Variants in LTA4H observed in about 807,000 individuals in gnomAD.
The protein encoded by LTA4H is leukotriene A4 hydrolase.
LTA4H carries 59 observed loss-of-function variants against 89.8 expected under a neutral mutation model. That is an observed-to-expected ratio of 0.66 (90% CI 0.53 to 0.82). The LOEUF is 0.82. Ranked by LOEUF, LTA4H falls within the 40% of genes least tolerant of loss-of-function variation. The pLI is 0.00. For missense variants in LTA4H, 617 were observed against 727.0 expected, an observed-to-expected ratio of 0.85 and a Z score of 1.74; for synonymous variants, 227 against 253.1, an observed-to-expected ratio of 0.90 and a Z score of 0.98.
chr12:96,015,287 G>A (rs1016335865), intron 11 of LTA4H: 3 of 492,604 alleles, frequency 6.1e-6, no homozygotes, highest in African/African-American at 5.9e-5. Flanking sequence ...GCTTTCAGGA[G>A]ACAACACTTA....
chr12:96,027,603 C>T (rs1950527041), intron 2 of LTA4H, 39 bp from the exon 3 acceptor site: 2 of 1,363,800 alleles, frequency 1.5e-6, no homozygotes, highest in Admixed American at 4.1e-5. Flanking sequence ...GAGTATGATT[C>T]CATCTAGTGA....
chr12:96,036,707 T>A (rs1592904154), upstream of LTA4H, among the ~76,000 whole-genome samples: 1 of 152,318 alleles, frequency 6.6e-6, no homozygotes. Context: ...AGTGGCTGGC[T>A]AGTCATTAAC....
intron 1 of LTA4H, among the ~76,000 whole-genome samples, chr12:96,041,169 TATA>T (rs1256801755): frequency 6.6e-6 from 1 of 152,146 alleles, no homozygotes; most frequent in East Asian, 1.9e-4. Flanking sequence ...CACAGTATAT[TATA>T]ATATTATATT....
At chr12:96,015,153 T>A (rs1950358137) in intron 11 of LTA4H, 154 bp from the exon 12 acceptor site, 1 of 587,992 alleles carries the variant, frequency 1.7e-6, no homozygotes, top group Non-Finnish European at 2.9e-6. Context: ...GGCATAAACT[T>A]CTGGAAGTCT....
At chr12:96,020,323 G>A (rs965879476) in intron 6 of LTA4H, among the ~76,000 whole-genome samples, 4 of 152,146 alleles carry the variant, frequency 2.6e-5, no homozygotes, top group African/African-American at 9.7e-5. Context: ...ATGCTATAAC[G>A]TGGATAAACC....
intron 3 of LTA4H, among the ~76,000 whole-genome samples, chr12:96,025,044 A>C (rs1950498451): frequency 6.6e-6 from 1 of 152,138 alleles, no homozygotes; most frequent in Admixed American, 6.5e-5. Context: ...TCTATGGTTA[A>C]CCCTCACATT....
chr12:96,019,840 T>C (rs1180700064), intron 6 of LTA4H, among the ~76,000 whole-genome samples: 1 of 151,380 alleles, frequency 6.6e-6, no homozygotes, highest in African/African-American at 2.4e-5. Flanking sequence ...GACCTCATGA[T>C]CCGCCTGCCT....
upstream of LTA4H, among the ~76,000 whole-genome samples, chr12:96,035,966 C>T (rs928882519): frequency 6.6e-6 from 1 of 151,978 alleles, no homozygotes; most frequent in Non-Finnish European, 1.5e-5. Flanking sequence ...ATAGCGAGGG[C>T]GGGGCGGAGC....
At chr12:96,033,515 C>T (rs2300557) in intron 1 of LTA4H, among the ~76,000 whole-genome samples, 15,718 of 152,138 alleles carry the variant, frequency 0.1, 1,048 homozygotes, top group East Asian at 0.3. Context: ...GAATGTAGGA[C>T]GTATAAACTC....
chr12:96,025,983 T>C (rs1020650632), intron 3 of LTA4H, among the ~76,000 whole-genome samples: 4 of 152,202 alleles, frequency 2.6e-5, no homozygotes, highest in Non-Finnish European at 4.4e-5. Flanking sequence ...TCTCTGAAGC[T>C]ATTACAAATC....
At chr12:96,028,995 A>T in intron 2 of LTA4H, 60 bp downstream of exon 2, 1 of 1,364,004 alleles carries the variant, frequency 7.3e-7, no homozygotes, top group Non-Finnish European at 9.8e-7. Flanking sequence ...TATTTAAATT[A>T]GTTAAGAATA....
chr12:96,008,409 C>T (rs1950240252), intron 15 of LTA4H, among the ~76,000 whole-genome samples: 1 of 152,102 alleles, frequency 6.6e-6, no homozygotes, highest in Non-Finnish European at 1.5e-5. Context: ...CGATTCTTTG[C>T]ACCACTAATA....
chr12:96,040,192 C>A (rs187561533), upstream of LTA4H, among the ~76,000 whole-genome samples: 1 of 152,216 alleles, frequency 6.6e-6, no homozygotes, highest in East Asian at 1.9e-4. Context: ...GGAATCAAGG[C>A]GTGGGGCCAG....
intron 1 of LTA4H, among the ~76,000 whole-genome samples, chr12:96,033,177 C>T (rs1414577293): frequency 6.6e-6 from 1 of 152,056 alleles, no homozygotes; most frequent in African/African-American, 2.4e-5. Flanking sequence ...CAGCAAAAAG[C>T]TATAAAAATT....
intron 11 of LTA4H, 137 bp from the exon 12 acceptor site, chr12:96,015,136 A>C: frequency 1.5e-6 from 1 of 650,422 alleles, no homozygotes; most frequent in Non-Finnish European, 2.6e-6. Flanking sequence ...GAACACTAGG[A>C]TATGTTGGCA....
At chr12:96,037,691 GC>G (rs112060095), upstream of LTA4H, among the ~76,000 whole-genome samples, 6,538 of 136,590 alleles carry the variant, frequency 0.048, 533 homozygotes, top group African/African-American at 0.17. Flanking sequence ...CATTGAGAAA[GC>G]TTTTTTTTTT....
intron 4 of LTA4H, among the ~76,000 whole-genome samples, chr12:96,024,153 C>T (rs1270529792): frequency 2.6e-5 from 4 of 152,052 alleles, no homozygotes; most frequent in Admixed American, 6.5e-5. Context: ...AGGATGGTCT[C>T]GATCTCCTGA....
intron 1 of LTA4H, among the ~76,000 whole-genome samples, chr12:96,034,250 A>C (rs1331835347): frequency 1.3e-5 from 2 of 152,216 alleles, no homozygotes; most frequent in African/African-American, 4.8e-5. Context: ...CTGGTGAAGA[A>C]GCCGAATTTG....
At chr12:96,043,324 G>C in exon 1 of LTA4H, 1 of 1,535,378 alleles carries the variant, frequency 6.5e-7, no homozygotes, top group South Asian at 1.2e-5. Context: ...GTCTTAACTG[G>C]GATATGCATG....
Sources: allele counts gnomAD v4.1 joint callset (sites outside exome capture counted in the v4.1 genomes callset), GRCh38; gene constraint gnomAD v4.1.1; transcripts MANE v1.5; gene names NCBI Gene and HGNC (gene_info 2026-07-23, HGNC 2026-07-21).